Variants in RBFA observed in about 807,000 individuals in gnomAD.
The protein encoded by RBFA is putative ribosome-binding factor A, mitochondrial.
In RBFA, 16 loss-of-function variants were observed where a neutral mutation model predicts 27.9. That is an observed-to-expected ratio of 0.57 (90% CI 0.39 to 0.87). The LOEUF is 0.87. Among genes scored for constraint, RBFA ranks in the 40% least tolerant of loss-of-function variants. The pLI is 0.00. For synonymous variants in RBFA, 181 were observed against 181.0 expected (o/e 1.00, Z 0.00); for missense variants, 456 against 432.1 (o/e 1.06, Z -0.49).
At chr18:80,038,681 T>G (rs1176785302) in intron 4 of RBFA, 64 bp downstream of exon 4, 15 of 1,217,600 alleles carry the variant, frequency 1.2e-5, no homozygotes, top group Non-Finnish European at 1.7e-5. Flanking sequence ...CTCAGCTGTT[T>G]CACTTGTAGG....
At position 80,049,315 on chromosome 18, in the gene RBFA, C is replaced by G. The variant is rs1250825287; in HGVS notation, c.*3160C>G. On this transcript the variant is annotated 3_prime_UTR_variant, in exon 7 of 7. Coordinates refer to ENST00000306735, the MANE Select transcript of RBFA (RefSeq NM_024805.3). Reference sequence around the variant, plus strand: ...CTCCTGGGGATTTCCACGGCCTTTCCTGGGAGCAGGTTAGGGACATGGAAG... The same window carrying G: ...CTCCTGGGGATTTCCACGGCCTTTCGTGGGAGCAGGTTAGGGACATGGAAG... 1.3e-5 allele frequency among the ~76,000 whole-genome samples: 2 copies of G among 152,102 alleles called. No homozygotes were observed. Among genetic ancestry groups the G allele is most frequent in the Admixed American group, 6.5e-5 (1 of 15,278 alleles).
In RBFA at chr18:80,048,762, G is replaced by A. The variant is rs1266540459; in HGVS notation, c.*2607G>A. 2.6e-5 allele frequency among the ~76,000 whole-genome samples: 4 copies of A among 151,466 alleles called. No individual in the cohort carries two copies. Among genetic ancestry groups the A allele is most frequent in the East Asian group, 1.9e-4 (1 of 5,170 alleles). The stretch of plus-strand genomic sequence containing the variant: ...GCTGCAGGAGATCCAACCAGGCGCC[G>A]GCTCAGTGCCTCCTAGAAAGAGGAG... On this transcript the variant is annotated 3_prime_UTR_variant, in exon 7 of 7. Transcript: ENST00000306735.
rs746727784 is a variant in RBFA at position 80,034,480 on chromosome 18, G to A, written c.-16G>A. On this transcript the variant is annotated 5_prime_UTR_variant, in exon 1 of 7. Coordinates refer to ENST00000306735, the MANE Select transcript of RBFA (RefSeq NM_024805.3). ...CCCGTTGTCTCCCTGCTCGCTCCGGGTCCCGGCGCCGCGCCATGTGGGCTG... is the reference window on the plus strand; with the variant it reads ...CCCGTTGTCTCCCTGCTCGCTCCGGATCCCGGCGCCGCGCCATGTGGGCTG... The A allele has an allele frequency of 1.3e-6, 2 of 1,516,182 alleles. No homozygotes were observed. Among genetic ancestry groups the A allele is most frequent in the South Asian group, 2.5e-5 (2 of 79,118 alleles). The allele number at this position is 1,516,182 out of a possible 1,614,324, so 93.9% of individuals were successfully genotyped here.
chr18:80,046,356 A>C lies in RBFA; in HGVS notation c.*201A>C, dbSNP rs946796091. Reference sequence around the variant, plus strand: ...TTCCATGCACTGTGTGTAATTTAAAAATTAAATGGCCATCTTATCACAGAT... The same window carrying C: ...TTCCATGCACTGTGTGTAATTTAAACATTAAATGGCCATCTTATCACAGAT... On this transcript the variant is annotated 3_prime_UTR_variant, in exon 7 of 7. Coordinates refer to ENST00000306735, the MANE Select transcript of RBFA (RefSeq NM_024805.3). The C allele has an allele frequency of 3.6e-5, 22 of 603,542 alleles. No individual in the cohort carries two copies. In the Middle Eastern group the frequency reaches 1.4e-3, roughly 37 times the overall value. The allele number at this position is 603,542 out of a possible 1,614,324, so 37.4% of individuals were successfully genotyped here. A position where few individuals can be genotyped will look rare whatever the true frequency, so the allele number is the denominator to read the frequency against.
intron 5 of RBFA, among the ~76,000 whole-genome samples, chr18:80,043,192 C>G (rs1319523863): frequency 6.6e-6 from 1 of 152,072 alleles, no homozygotes; most frequent in Non-Finnish European, 1.5e-5. Flanking sequence ...TATGTTATAC[C>G]TTCAAAAAGT....
rs1388970095 is a variant in RBFA, at chr18:80,036,724, A to G, written c.201+14A>G. On this transcript the variant is annotated intron_variant, in intron 2 of 6. Transcript: ENST00000306735. ...GGTTCTCACTCGGTGAGTATAAGCC[A>G]TGAGCCACTTTATAATCTTGATGGG... 1 of 1,600,516 alleles carries G rather than the reference A, an allele frequency of 6.2e-7. No homozygotes were observed. Among genetic ancestry groups the G allele is most frequent in the Non-Finnish European group, 8.5e-7 (1 of 1,170,324 alleles).
chr18:80,043,118 A>G (rs2052027670), intron 5 of RBFA, among the ~76,000 whole-genome samples: 1 of 152,224 alleles, frequency 6.6e-6, no homozygotes, highest in South Asian at 2.1e-4. Context: ...TGGGTTAGCT[A>G]TAAAGATTAA....
chr18:80,046,598 G>A lies in RBFA; in HGVS notation c.*443G>A, dbSNP rs998456731. Among the ~76,000 whole-genome samples, 3 of 152,232 alleles carry A rather than the reference G, an allele frequency of 2.0e-5. No homozygotes were observed. The highest frequency in any genetic ancestry group is 7.2e-5 in the African/African-American group (3 of 41,522). On this transcript the variant is annotated 3_prime_UTR_variant, in exon 7 of 7. Transcript: ENST00000306735. Reference sequence around the variant, plus strand: ...TGGGCTCCGTCCCTGGGGCTGCTGGGCTGGCACGTGGCGCCGGGGGCTCCA... The same window carrying A: ...TGGGCTCCGTCCCTGGGGCTGCTGGACTGGCACGTGGCGCCGGGGGCTCCA...
rs2051986966 is a variant in RBFA, at chr18:80,037,407, G to T, written c.279G>T (p.Leu93=). The T allele has an allele frequency of 6.2e-7, 1 of 1,614,160 alleles. No homozygotes were observed. Among genetic ancestry groups the T allele is most frequent in the Non-Finnish European group, 8.5e-7 (1 of 1,180,036 alleles). Reference sequence around the variant, plus strand: ...CCAGGAAGGAAGACCATGCGCGCCTGAGGGCCCTGAACGGCCTCCTCTATA... The same window carrying T: ...CCAGGAAGGAAGACCATGCGCGCCTTAGGGCCCTGAACGGCCTCCTCTATA... The part of the protein sequence containing the change: ...KKTRKEDHAR[L]RALNGLLYKA... The change falls in exon 3 of 7, where the codon CTG becomes CTT. Residue 93 remains leucine, a synonymous_variant. Transcript: ENST00000306735.
In RBFA at chr18:80,042,238, C is replaced by G. The variant is rs1444168852; in HGVS notation, c.576+19C>G. The stretch of plus-strand genomic sequence containing the variant: ...AGCTGAGGTAAGGTTTTCAAAAAAA[C>G]TTTTTAAAATTTAAAAATTTTTATT... On this transcript the variant is annotated intron_variant, in intron 5 of 6. Transcript: ENST00000306735. 1.3e-6 allele frequency: 2 copies of G among 1,553,400 alleles called. No individual in the cohort carries two copies. The highest frequency in any genetic ancestry group is 1.7e-6 in the Non-Finnish European group (2 of 1,147,204).
chr18:80,045,483 G>A (rs1032275602), intron 6 of RBFA, among the ~76,000 whole-genome samples: 1 of 152,014 alleles, frequency 6.6e-6, no homozygotes, highest in African/African-American at 2.4e-5. Flanking sequence ...CCTCAGCCTC[G>A]CACAGTGCTG....
At chr18:80,045,415 CAG>C (rs2052044373) in intron 6 of RBFA, among the ~76,000 whole-genome samples, 1 of 152,132 alleles carries the variant, frequency 6.6e-6, no homozygotes, top group East Asian at 1.9e-4. Flanking sequence ...TTAGTAGAGA[CAG>C]GGTTTCACCA....
In RBFA at chr18:80,037,487, TTAACGTGGAGCTCTCCAAGGTA is replaced by T. The variant is rs758429466; in HGVS notation, c.360_378+3del. 23 of 1,612,592 alleles carry T rather than the reference TTAACGTGGAGCTCTCCAAGGTA, an allele frequency of 1.4e-5. No individual in the cohort carries two copies. Among genetic ancestry groups the T allele is most frequent in the Non-Finnish European group, 1.9e-5 (22 of 1,178,886 alleles). Reference sequence around the variant, plus strand: ...GAAGTGAGTCAGGAGCTGTATGACCTTAACGTGGAGCTCTCCAAGGTAGGCTGTGTGGCCAAAGAGAAGAAAT... The same window carrying T: ...GAAGTGAGTCAGGAGCTGTATGACCTGGCTGTGTGGCCAAAGAGAAGAAAT... On this transcript the variant is annotated splice_donor_variant and splice_donor_region_variant and coding_sequence_variant and intron_variant, in exon 3 of 7. Coordinates refer to ENST00000306735, the MANE Select transcript of RBFA (RefSeq NM_024805.3). LOFTEE classifies it high-confidence loss of function.
At chr18:80,040,239 A>ATTTTTTTTTTTTTTTTTTTTTTTTT (rs71338083) in intron 4 of RBFA, among the ~76,000 whole-genome samples, 30 of 91,434 alleles carry the variant, frequency 3.3e-4, no homozygotes, top group Admixed American at 1.5e-3. Context: ...GGAGGCCTGA[A>ATTTTTTTTTTTTTTTTTTTTTTTTT]TTTTTTTTTT....
chr18:80,045,228 C>CT (rs35063027), intron 6 of RBFA, among the ~76,000 whole-genome samples: 104,232 of 138,716 alleles, frequency 0.75, 39,796 homozygotes, highest in East Asian at 0.91. Flanking sequence ...GTTGCAAACG[C>CT]TTTTTTTTTT....
intron 5 of RBFA, among the ~76,000 whole-genome samples, chr18:80,043,025 G>A (rs554974018): frequency 5.3e-5 from 8 of 152,158 alleles, no homozygotes; most frequent in East Asian, 1.9e-4. Context: ...GTCCACTTTC[G>A]TTTCACATTA....
rs2051962171 is a variant in RBFA, at chr18:80,034,642, C to T, written c.147C>T (p.Ala49=). Residue 49 remains alanine (A), a synonymous_variant, in exon 1 of 7, where the codon GCC becomes GCT. Coordinates refer to ENST00000306735, the MANE Select transcript of RBFA (RefSeq NM_024805.3). ...VSCKNWLKKF[A]SKTKKKVWYE... is the part of the protein sequence containing the mutation. ...GCAAGAACTGGCTCAAGAAATTTGC[C>T]TCGAAAACCAAGTAATGCGGCGGGG... 8.7e-6 allele frequency: 14 copies of T among 1,608,606 alleles called. No homozygotes were observed. The highest frequency in any genetic ancestry group is 4.0e-5 in the African/African-American group (3 of 74,372).
chr18:80,036,983 C>A (rs1483680822), intron 2 of RBFA, among the ~76,000 whole-genome samples: 1 of 152,156 alleles, frequency 6.6e-6, no homozygotes, highest in Non-Finnish European at 1.5e-5. Flanking sequence ...AAAGTTTATA[C>A]AATATATGGC....
At chr18:80,038,709 T>C (rs1468424158) in intron 4 of RBFA, 92 bp downstream of exon 4, 16 of 892,162 alleles carry the variant, frequency 1.8e-5, no homozygotes, top group Non-Finnish European at 2.7e-5. Flanking sequence ...GAACTTTTCA[T>C]TGAGTATTTT....
Sources: allele counts gnomAD v4.1 joint callset (sites outside exome capture counted in the v4.1 genomes callset), GRCh38; gene constraint gnomAD v4.1.1; transcripts MANE v1.5; gene names NCBI Gene and HGNC (gene_info 2026-07-23, HGNC 2026-07-21).